The following CFAP161 variants were observed in gnomAD, a reference collection of about 807,000 sequenced individuals.
CFAP161 encodes the protein cilia and flagella associated protein 161, also known as cilia- and flagella-associated protein 161.
A neutral mutation model predicts 29.0 loss-of-function variants in CFAP161; 25 were observed. That is an observed-to-expected ratio of 0.86 (90% CI 0.63 to 1.20). CFAP161 has a LOEUF of 1.20. CFAP161 is among the 50% of genes most tolerant of loss of function. CFAP161 has a pLI of 0.00. For missense variants in CFAP161, 367 were observed against 371.9 expected, an observed-to-expected ratio of 0.99 and a Z score of 0.11; for synonymous variants, 116 against 137.4, an observed-to-expected ratio of 0.84 and a Z score of 1.09.
chr15:81,147,529 G>A (rs1171223447), intron 5 of CFAP161, among the ~76,000 whole-genome samples: 2 of 152,098 alleles, frequency 1.3e-5, no homozygotes, highest in Non-Finnish European at 2.9e-5. Flanking sequence ...AAGGCTACAC[G>A]GGATAGCCTC....
At chr15:81,135,816 G>A (rs2683256) in intron 2 of CFAP161, among the ~76,000 whole-genome samples, 107,112 of 151,954 alleles carry the variant, frequency 0.7, 38,553 homozygotes, top group Non-Finnish European at 0.78. Flanking sequence ...GAATAGTGCC[G>A]CAGTTGGTGG....
chr15:81,146,831 AATATATATATATATATATAT>A (rs3086710), intron 5 of CFAP161, among the ~76,000 whole-genome samples: 740 of 70,574 alleles, frequency 0.01, 20 homozygotes, highest in African/African-American at 0.017. Flanking sequence ...GATAGCTACA[AATATATATATATATATATAT>A]ATATATATAT....
At chr15:81,114,668 T>A (rs1894474875) in intron 1 of CFAP161, among the ~76,000 whole-genome samples, 1 of 152,146 alleles carries the variant, frequency 6.6e-6, no homozygotes, top group Non-Finnish European at 1.5e-5. Context: ...GGTTTTTGTT[T>A]GTTTGTTTGT....
chr15:81,107,411 T>C (rs1377242105), intron 1 of CFAP161, among the ~76,000 whole-genome samples: 1 of 152,192 alleles, frequency 6.6e-6, no homozygotes, highest in Non-Finnish European at 1.5e-5. Context: ...ATTGAGAATA[T>C]CTGACTCCAA....
intron 4 of CFAP161, among the ~76,000 whole-genome samples, chr15:81,139,701 A>T (rs917379705): frequency 3.3e-5 from 5 of 152,264 alleles, no homozygotes; most frequent in African/African-American, 1.2e-4. Context: ...TTTGTGTATA[A>T]ATGCTTAAAT....
chr15:81,102,350 G>A (rs1894313326), intron 1 of CFAP161, among the ~76,000 whole-genome samples: 1 of 152,104 alleles, frequency 6.6e-6, no homozygotes, highest in Admixed American at 6.5e-5. Flanking sequence ...TCTATGCAGA[G>A]TGTTATGTAA....
chr15:81,139,080 T>C (rs1457782950), intron 4 of CFAP161, among the ~76,000 whole-genome samples: 1 of 152,044 alleles, frequency 6.6e-6, no homozygotes, highest in Admixed American at 6.6e-5. Flanking sequence ...GGCAAGAGGA[T>C]CACTTGAGGC....
chr15:81,136,355 G>A (rs1227555955), intron 2 of CFAP161, among the ~76,000 whole-genome samples, 161 bp from the exon 3 acceptor site: 2 of 152,208 alleles, frequency 1.3e-5, no homozygotes, highest in Non-Finnish European at 1.5e-5. Flanking sequence ...GCTTTGCCTT[G>A]GCAAAGGGGA....
At chr15:81,111,865 A>T (rs1452497829) in intron 1 of CFAP161, among the ~76,000 whole-genome samples, 2 of 152,262 alleles carry the variant, frequency 1.3e-5, no homozygotes, top group Non-Finnish European at 2.9e-5. Flanking sequence ...CAGTTTTAAA[A>T]GGTGATTCTA....
intron 5 of CFAP161, among the ~76,000 whole-genome samples, chr15:81,145,653 A>G (rs1638451950): frequency 1.3e-5 from 2 of 152,182 alleles, no homozygotes; most frequent in Non-Finnish European, 2.9e-5. Context: ...ACATGGTTAC[A>G]CATCTGTAAA....
At chr15:81,116,771 G>C (rs1019593946) in intron 1 of CFAP161, among the ~76,000 whole-genome samples, 1 of 152,128 alleles carries the variant, frequency 6.6e-6, no homozygotes, top group Non-Finnish European at 1.5e-5. Context: ...TCTAGTTTCA[G>C]CTTGTAGGGC....
intron 4 of CFAP161, among the ~76,000 whole-genome samples, chr15:81,142,709 A>G (rs1894932007): frequency 6.6e-6 from 1 of 152,232 alleles, no homozygotes. Flanking sequence ...ACAGCCTTGC[A>G]TGGGAAAGGT....
chr15:81,139,105 C>A (rs1164745943), intron 4 of CFAP161, among the ~76,000 whole-genome samples: 1 of 151,974 alleles, frequency 6.6e-6, no homozygotes, highest in Non-Finnish European at 1.5e-5. Flanking sequence ...AGTTGTAGAC[C>A]AGCTTTGGCA....
At chr15:81,130,175 G>A (rs981377444), upstream of CFAP161, among the ~76,000 whole-genome samples, 1 of 152,214 alleles carries the variant, frequency 6.6e-6, no homozygotes, top group Non-Finnish European at 1.5e-5. Flanking sequence ...TGGCTCAAGG[G>A]AATGTGGTGG....
At chr15:81,134,826 G>T (rs1188202930) in intron 1 of CFAP161, among the ~76,000 whole-genome samples, 1 of 151,426 alleles carries the variant, frequency 6.6e-6, no homozygotes, top group African/African-American at 2.4e-5. Context: ...CCTCTTAAAT[G>T]ACCCTGAGTA....
intron 1 of CFAP161, among the ~76,000 whole-genome samples, chr15:81,109,826 G>A (rs1046739257): frequency 1.3e-5 from 2 of 152,154 alleles, no homozygotes; most frequent in Non-Finnish European, 2.9e-5. Context: ...CCAAATTGAT[G>A]TGGATGGTCT....
At chr15:81,141,618 T>C (rs1894910338) in intron 4 of CFAP161, among the ~76,000 whole-genome samples, 1 of 152,168 alleles carries the variant, frequency 6.6e-6, no homozygotes, top group African/African-American at 2.4e-5. Context: ...ACTGGGTTAG[T>C]TCCTGATTTT....
chr15:81,108,931 C>T (rs981607204), intron 1 of CFAP161, among the ~76,000 whole-genome samples: 3 of 151,916 alleles, frequency 2.0e-5, no homozygotes, highest in Non-Finnish European at 4.4e-5. Flanking sequence ...TTTCAAGATT[C>T]GGAAACAAAA....
upstream of CFAP161, among the ~76,000 whole-genome samples, chr15:81,133,821 TTTC>T (rs1225779925): frequency 6.6e-5 from 10 of 152,186 alleles, no homozygotes; most frequent in African/African-American, 2.4e-5. Flanking sequence ...TTAATTTTCC[TTTC>T]TTCTTTCTAT....
Sources: allele counts gnomAD v4.1 joint callset (sites outside exome capture counted in the v4.1 genomes callset), GRCh38; gene constraint gnomAD v4.1.1; transcripts MANE v1.5; gene names NCBI Gene and HGNC (gene_info 2026-07-23, HGNC 2026-07-21).